The following R3HDM1 variants were observed in gnomAD, a reference collection of about 807,000 sequenced individuals.
The protein encoded by R3HDM1 is R3H domain containing 1.
A neutral mutation model predicts 141.1 loss-of-function variants in R3HDM1; 46 were observed. That is an observed-to-expected ratio of 0.33 (90% confidence interval 0.26 to 0.42). The LOEUF is 0.42. Among genes scored for constraint, R3HDM1 ranks in the 10% least tolerant of loss-of-function variants. The pLI is 1.00. For missense variants in R3HDM1, 1,184 were observed against 1,368.3 expected, an observed-to-expected ratio of 0.87 and a Z score of 2.12; for synonymous variants, 435 against 472.9, an observed-to-expected ratio of 0.92 and a Z score of 1.04.
At chr2:135,716,971 A>C (rs72844193) in intron 24 of R3HDM1, among the ~76,000 whole-genome samples, 19 of 151,964 alleles carry the variant, frequency 1.3e-4, no homozygotes, top group South Asian at 2.1e-4. Context: ...AACAAACAAA[A>C]AAACAAACAA....
At chr2:135,709,756 A>G (rs990843252) in intron 22 of R3HDM1, among the ~76,000 whole-genome samples, 2 of 152,108 alleles carry the variant, frequency 1.3e-5, no homozygotes, top group African/African-American at 4.8e-5. Flanking sequence ...CTCCTTTCTC[A>G]GAAGTATTGA....
intron 8 of R3HDM1, 33 bp from the exon 9 acceptor site, chr2:135,631,828 G>T: frequency 6.3e-7 from 1 of 1,594,702 alleles, no homozygotes; most frequent in South Asian, 1.1e-5. Flanking sequence ...CATTCTCCTT[G>T]ACTTACTAAG....
intron 1 of R3HDM1, among the ~76,000 whole-genome samples, chr2:135,546,413 T>C (rs1698699469): frequency 6.6e-6 from 1 of 152,094 alleles, no homozygotes; most frequent in Non-Finnish European, 1.5e-5. Flanking sequence ...ATGGGAGACT[T>C]TGTTTGCACT....
chr2:135,549,561 C>CAAAAAA (rs1236257586), intron 1 of R3HDM1, among the ~76,000 whole-genome samples: 162 of 65,866 alleles, frequency 2.5e-3, no homozygotes, highest in Non-Finnish European at 3.0e-3. Context: ...AACTCTGCCT[C>CAAAAAA]AAAAAAAAAA....
intron 1 of R3HDM1, among the ~76,000 whole-genome samples, chr2:135,575,657 C>T (rs1451311701): frequency 1.3e-5 from 2 of 152,158 alleles, no homozygotes; most frequent in African/African-American, 2.4e-5. Flanking sequence ...AGCAGTCAGT[C>T]ACAATGGTAG....
At chr2:135,707,846 TG>T (rs2075132138) in intron 21 of R3HDM1, among the ~76,000 whole-genome samples, 1 of 152,238 alleles carries the variant, frequency 6.6e-6, no homozygotes, top group Non-Finnish European at 1.5e-5. Context: ...TTTTCACTTA[TG>T]ATCCAAAATC....
At chr2:135,643,499 T>G (rs191819317) in intron 15 of R3HDM1, among the ~76,000 whole-genome samples, 22 of 152,296 alleles carry the variant, frequency 1.4e-4, no homozygotes, top group Non-Finnish European at 3.1e-4. Context: ...TCAGTCAAAT[T>G]TTTCTGTTTG....
At chr2:135,536,022 T>C (rs139158641) in intron 1 of R3HDM1, among the ~76,000 whole-genome samples, 1 of 152,204 alleles carries the variant, frequency 6.6e-6, no homozygotes, top group Non-Finnish European at 1.5e-5. Context: ...AGCCCTATAG[T>C]TTATGATCTT....
At chr2:135,560,015 G>C (rs1389781598) in intron 1 of R3HDM1, among the ~76,000 whole-genome samples, 1 of 152,208 alleles carries the variant, frequency 6.6e-6, no homozygotes, top group East Asian at 1.9e-4. Flanking sequence ...AATTCAGTGA[G>C]AGGGCTGAGA....
At chr2:135,682,883 G>A (rs1430708370) in intron 21 of R3HDM1, among the ~76,000 whole-genome samples, 1 of 152,122 alleles carries the variant, frequency 6.6e-6, no homozygotes, top group African/African-American at 2.4e-5. Flanking sequence ...TGTAATCCCA[G>A]CTACTCGGGA....
At chr2:135,602,840 C>A (rs930886381) in intron 2 of R3HDM1, 132 bp downstream of exon 2, 4 of 747,484 alleles carry the variant, frequency 5.4e-6, no homozygotes, top group Non-Finnish European at 7.9e-6. Context: ...TCGGAATGAA[C>A]CAATTAACTT....
At chr2:135,706,362 GTTTTGT>G (rs780349186) in intron 21 of R3HDM1, among the ~76,000 whole-genome samples, 1 of 134,936 alleles carries the variant, frequency 7.4e-6, no homozygotes, top group Admixed American at 7.8e-5. Flanking sequence ...CATATCCATA[GTTTTGT>G]TTTTGTTTTT....
intron 1 of R3HDM1, among the ~76,000 whole-genome samples, chr2:135,551,424 A>G (rs1244286770): frequency 6.6e-6 from 1 of 152,240 alleles, no homozygotes; most frequent in Non-Finnish European, 1.5e-5. Flanking sequence ...TGTACCTAGT[A>G]GAATGAAAAA....
In R3HDM1 at chr2:135,680,268, A is replaced by T. The variant is rs376588238; in HGVS notation, c.2403A>T (p.Thr801=). 1.2e-5 allele frequency: 20 copies of T among 1,614,128 alleles called. No individual in the cohort carries two copies. Among genetic ancestry groups the T allele is most frequent in the Non-Finnish European group, 1.5e-5 (18 of 1,179,972 alleles). Residue 801 remains threonine, a synonymous_variant, in exon 21 of 27, where the codon ACA becomes ACT. Transcript: ENST00000683871. ...AGTCTAATCAAGGATCTATGCCCAC[A>T]ACAGGAATGCCTGTTTACTATAGTG... ...PNQSNQGSMP[T]TGMPVYYSVI...
intron 1 of R3HDM1, among the ~76,000 whole-genome samples, chr2:135,601,664 T>C (rs759169627): frequency 1.3e-5 from 2 of 152,220 alleles, no homozygotes; most frequent in Non-Finnish European, 2.9e-5. Flanking sequence ...GAGAAAATTT[T>C]GTATTTGGGG....
At chr2:135,616,064 A>T in intron 3 of R3HDM1, 88 bp from the exon 4 acceptor site, 1 of 1,286,198 alleles carries the variant, frequency 7.8e-7, no homozygotes, top group South Asian at 1.3e-5. Context: ...ATGCACAGTT[A>T]GTTTTTCTGT....
intron 21 of R3HDM1, among the ~76,000 whole-genome samples, chr2:135,699,848 G>A (rs2073976853): frequency 6.6e-6 from 1 of 152,164 alleles, no homozygotes; most frequent in Admixed American, 6.5e-5. Flanking sequence ...GAAGAAAACT[G>A]ATAGTAAGTT....
chr2:135,587,833 G>C (rs1392109175), intron 1 of R3HDM1, among the ~76,000 whole-genome samples: 1 of 151,286 alleles, frequency 6.6e-6, no homozygotes, highest in Non-Finnish European at 1.5e-5. Flanking sequence ...CTCTTTTTCT[G>C]TTTGACTTTC....
At chr2:135,669,211 G>A (rs1307190211) in intron 19 of R3HDM1, 4 of 985,204 alleles carry the variant, frequency 4.1e-6, no homozygotes, top group Non-Finnish European at 4.8e-6. Flanking sequence ...TGCGGGTAGT[G>A]GACAAACCAA....
Sources: gnomAD v4.1 joint callset for allele counts (sites outside exome capture counted in the v4.1 genomes callset) on GRCh38, gnomAD v4.1.1 for gene constraint, MANE v1.5 for transcripts, NCBI Gene and HGNC (gene_info 2026-07-23, HGNC 2026-07-21) for gene names.